MAST3: variants seen among roughly 807,000 people sequenced by gnomAD.
The protein encoded by MAST3 is microtubule-associated serine/threonine-protein kinase 3.
Under a neutral mutation model 127.0 loss-of-function variants are expected in MAST3, and 43 were observed. That is an observed-to-expected ratio of 0.34 (90% CI 0.27 to 0.44). MAST3 has a LOEUF of 0.44. Ranked by LOEUF, MAST3 falls within the 20% of genes least tolerant of loss-of-function variation. The probability of loss-of-function intolerance (pLI) is 1.00; values close to 1 mark genes in which losing one functional copy is unlikely to be tolerated. For missense variants in MAST3, 1,390 were observed against 1,919.1 expected (o/e 0.72, Z 5.15); for synonymous variants, 785 against 809.2 (o/e 0.97, Z 0.51).
In MAST3 at chr19:18,111,290, C is replaced by G. The variant is rs887910699; in HGVS notation, c.161+549C>G. On this transcript the variant is annotated intron_variant, in intron 3 of 27. Coordinates refer to ENST00000687212, the MANE Select transcript of MAST3 (RefSeq NM_001393504.1). Reference sequence around the variant, plus strand: ...AGTTTTCCTGATTCAGTCCATCCCCCGGGGGCCAAGCATCAGGGACAGCTT... The same window carrying G: ...AGTTTTCCTGATTCAGTCCATCCCCGGGGGGCCAAGCATCAGGGACAGCTT... 6.6e-5 allele frequency among the ~76,000 whole-genome samples: 10 copies of G among 152,000 alleles called. 1 individual carries two copies. Among genetic ancestry groups the G allele is most frequent in the Admixed American group, 2.0e-4 (3 of 15,246 alleles).
At chr19:18,102,196 G>A (rs2037692477) in intron 1 of MAST3, among the ~76,000 whole-genome samples, 1 of 142,272 alleles carries the variant, frequency 7.0e-6, no homozygotes, top group South Asian at 2.2e-4. Flanking sequence ...TTTTGAAACG[G>A]AGTTTCACTC....
chr19:18,113,919 C>T (rs273512), intron 3 of MAST3, among the ~76,000 whole-genome samples: 64,602 of 152,092 alleles, frequency 0.42, 14,096 homozygotes, highest in African/African-American at 0.5. Flanking sequence ...CTGCTTCCAT[C>T]CTATCCATCT....
In MAST3 at chr19:18,110,625, C is replaced by A; in HGVS notation, c.72-27C>A. On this transcript the variant is annotated intron_variant, in intron 2 of 27. Coordinates refer to ENST00000687212, the MANE Select transcript of MAST3 (RefSeq NM_001393504.1). The surrounding 1 kb of genome is among the most constrained non-coding windows in gnomAD (Gnocchi z 4.3). ...CACACGAAGGGGCGGCCGCCAGGTTCACCGTCCCCGGCCTCTTTCTTTGCA... is the reference window on the plus strand; with the variant it reads ...CACACGAAGGGGCGGCCGCCAGGTTAACCGTCCCCGGCCTCTTTCTTTGCA... The A allele has an allele frequency of 1.0e-6, 1 of 978,276 alleles. No homozygotes were observed. The highest frequency in any genetic ancestry group is 1.2e-6 in the Non-Finnish European group (1 of 823,040). The allele number at this position is 978,276 out of a possible 1,614,324, so 60.6% of individuals were successfully genotyped here.
chr19:18,131,805 A>AGG, intron 14 of MAST3, 104 bp from the exon 15 acceptor site: 1 of 1,312,006 alleles, frequency 7.6e-7, no homozygotes, highest in Non-Finnish European at 1.1e-6. Context: ...GACCTTTTGC[A>AGG]GGAGGTAAAG....
chr19:18,137,375 C>T lies in MAST3; in HGVS notation c.2095+14C>T, dbSNP rs757561517. On this transcript the variant is annotated intron_variant, in intron 19 of 27. Transcript: ENST00000687212. ...GCTACTTTGACAGTAAGGAGGGATC[C>T]CCCTGGAGGGGGGGCGGGGGGTGCT... is the stretch of plus-strand genomic sequence containing the variant. The T allele has an allele frequency of 6.2e-7, 1 of 1,610,746 alleles. No individual in the cohort carries two copies. Among genetic ancestry groups the T allele is most frequent in the Non-Finnish European group, 8.5e-7 (1 of 1,178,030 alleles).
intron 1 of MAST3, among the ~76,000 whole-genome samples, chr19:18,099,918 G>T (rs2037421233): frequency 6.6e-6 from 1 of 152,174 alleles, no homozygotes; most frequent in Admixed American, 6.5e-5. Flanking sequence ...GGGGAGCTAT[G>T]GAAGGTGCTG....
intron 3 of MAST3, among the ~76,000 whole-genome samples, chr19:18,119,718 G>A (rs1277960167): frequency 1.3e-5 from 2 of 152,216 alleles, no homozygotes; most frequent in Admixed American, 6.5e-5. Flanking sequence ...TCAAGGTAGA[G>A]ATGAGGAAAC....
chr19:18,125,566 C>T (rs2040511956), intron 11 of MAST3, among the ~76,000 whole-genome samples: 1 of 151,434 alleles, frequency 6.6e-6, no homozygotes, highest in East Asian at 1.9e-4. Context: ...CATGGTGAAA[C>T]CCCATCTCTA....
Position 18,123,603 on chromosome 19 carries a change from T to C in MAST3, c.581T>C (p.Phe194Ser), listed in dbSNP as rs1344927003. The change falls in exon 8 of 28, where the codon TTC becomes TCC. Residue 194 changes from phenylalanine (F) to serine (S), a missense_variant. Around this residue, in one of 5 missense-constraint regions of MAST3, gnomAD observed 277 missense variants for 384.8 expected, o/e 0.72. Coordinates refer to ENST00000687212, the MANE Select transcript of MAST3 (RefSeq NM_001393504.1). Reference sequence around the variant, plus strand: ...AGCCCGGGCCGTGCAACGGGGACCTTCGACAATGAGATTGTCATGATGAAT... The same window carrying C: ...AGCCCGGGCCGTGCAACGGGGACCTCCGACAATGAGATTGTCATGATGAAT... ...SLSPGRATGT[F>S]DNEIVMMNHV... 3.8e-6 allele frequency: 6 copies of C among 1,592,920 alleles called. No individual in the cohort carries two copies. Among genetic ancestry groups the C allele is most frequent in the South Asian group, 1.1e-5 (1 of 87,026 alleles).
In MAST3 at chr19:18,137,381, G is replaced by C; in HGVS notation, c.2095+20G>C. 2 of 1,608,460 alleles carry C rather than the reference G, an allele frequency of 1.2e-6. No homozygotes were observed. The highest frequency in any genetic ancestry group is 2.2e-5 in the East Asian group (1 of 44,822). On this transcript the variant is annotated intron_variant, in intron 19 of 27. Coordinates refer to ENST00000687212, the MANE Select transcript of MAST3 (RefSeq NM_001393504.1). ...TTGACAGTAAGGAGGGATCCCCCTG[G>C]AGGGGGGGCGGGGGGTGCTCTGCCA...
At chr19:18,098,193 AAT>A (rs2037165262) in intron 1 of MAST3, among the ~76,000 whole-genome samples, 1 of 152,198 alleles carries the variant, frequency 6.6e-6, no homozygotes, top group Non-Finnish European at 1.5e-5. Flanking sequence ...GCGATGTATT[AAT>A]ATGAGTTCAT....
intron 5 of MAST3, among the ~76,000 whole-genome samples, chr19:18,122,472 A>AT (rs2147187464): frequency 2.3e-5 from 2 of 86,648 alleles, no homozygotes; most frequent in South Asian, 4.8e-4. Context: ...AGCTGGACTC[A>AT]CGGGGGGGCT....
chr19:18,131,938 A>G lies in MAST3; in HGVS notation c.1462A>G (p.Met488Val), dbSNP rs752071882. 16 of 1,609,354 alleles carry G rather than the reference A, an allele frequency of 9.9e-6. No individual in the cohort carries two copies. The highest frequency in any genetic ancestry group is 1.7e-5 in the Admixed American group (1 of 59,144). The change falls in exon 15 of 28, where the codon ATG (methionine) becomes GTG (valine). Residue 488 changes from methionine (M) to valine (V), a missense_variant. By Grantham distance (21) the Met-to-Val change is conservative. This residue lies in a region of MAST3 where 191 missense variants were observed against 409.0 expected (regional missense o/e 0.47). Transcript: ENST00000687212. Reference protein sequence around the residue: ...GGDCATLLKNMGPLPVDMARL... With the variant: ...GGDCATLLKNVGPLPVDMARL... Reference sequence around the variant, plus strand: ...CGACTGCGCCACGCTCCTGAAGAACATGGGCCCGCTGCCCGTGGACATGGC... The same window carrying G: ...CGACTGCGCCACGCTCCTGAAGAACGTGGGCCCGCTGCCCGTGGACATGGC...
intron 20 of MAST3, 52 bp downstream of exon 20, chr19:18,139,176 C>T (rs1163302121): frequency 7.6e-7 from 1 of 1,311,254 alleles, no homozygotes; most frequent in Non-Finnish European, 1.1e-6. Flanking sequence ...TGCATGATGT[C>T]TGTTTGCTTT....
intron 15 of MAST3, among the ~76,000 whole-genome samples, chr19:18,134,306 C>T (rs1410616901): frequency 6.6e-6 from 1 of 152,166 alleles, no homozygotes; most frequent in Non-Finnish European, 1.5e-5. Context: ...CATGCCAGCA[C>T]TTTCAAAGGT....
At position 18,124,683 on chromosome 19, in the gene MAST3, T is replaced by G; in HGVS notation, c.987T>G (p.Ala329=). The G allele has an allele frequency of 6.2e-7, 1 of 1,610,946 alleles. No homozygotes were observed. The highest frequency in any genetic ancestry group is 8.5e-7 in the Non-Finnish European group (1 of 1,178,862). ...PEEFYHLLEA[A]EGHAREGQGI... The stretch of plus-strand genomic sequence containing the variant: ...AATTTTACCACCTGCTGGAGGCGGC[T>G]GAGGGCCATGCGCGGGAGGGCCAAG... The change falls in exon 11 of 28, where the codon GCT becomes GCG. Residue 329 remains alanine, a synonymous_variant. Transcript: ENST00000687212.
Position 18,122,742 on chromosome 19 carries a change from C to T in MAST3, c.390C>T (p.Ser130=), listed in dbSNP as rs1293528731. The T allele has an allele frequency of 1.2e-6, 2 of 1,613,292 alleles. No individual in the cohort carries two copies. The highest frequency in any genetic ancestry group is 1.7e-6 in the Non-Finnish European group (2 of 1,179,590). ...GCTATGGAACCAACACACCCAGCTC[C>T]ACCCTCTCGGTACCCATAGCCCCAC... is the stretch of plus-strand genomic sequence containing the variant. ...SSGYGTNTPS[S]TLSSSSSSRE... is the part of the protein sequence containing the mutation. The change falls in exon 6 of 28, where the codon TCC becomes TCT. Residue 130 remains serine (S), a synonymous_variant. Coordinates refer to ENST00000687212, the MANE Select transcript of MAST3 (RefSeq NM_001393504.1).
Position 18,128,901 on chromosome 19 carries a change from A to G in MAST3, c.1173A>G (p.Pro391=). ...RALVGQSRRK[P]CESDFETIKL... is the part of the protein sequence containing the mutation. ...TGGTCGGCCAGTCACGGAGGAAGCC[A>G]TGCGAAAGCGACTTTGAGACCATCA... Residue 391 remains proline (P), a synonymous_variant, in exon 13 of 28, where the codon CCA becomes CCG. Coordinates refer to ENST00000687212, the MANE Select transcript of MAST3 (RefSeq NM_001393504.1). The G allele has an allele frequency of 6.2e-7, 1 of 1,613,918 alleles. No individual in the cohort carries two copies. Among genetic ancestry groups the G allele is most frequent in the Non-Finnish European group, 8.5e-7 (1 of 1,179,886 alleles).
At chr19:18,124,605 AC>A (rs1443875884) in intron 10 of MAST3, 36 bp from the exon 11 acceptor site, 1 of 1,531,540 alleles carries the variant, frequency 6.5e-7, no homozygotes, top group East Asian at 2.5e-5. Flanking sequence ...TGCAGGTGGA[AC>A]CAAGCCCTGG....
Sources: allele counts gnomAD v4.1 joint callset (sites outside exome capture counted in the v4.1 genomes callset), GRCh38; gene constraint gnomAD v4.1.1; regional missense constraint gnomAD v4.1.1; non-coding constraint Gnocchi (gnomAD v3.1); transcripts MANE v1.5; gene names NCBI Gene and HGNC (gene_info 2026-07-23, HGNC 2026-07-21).